PRKCZ: variants seen among roughly 807,000 people sequenced by gnomAD.
The protein encoded by PRKCZ is protein kinase C zeta type.
In PRKCZ, 33 loss-of-function variants were observed where a neutral mutation model predicts 79.5. The ratio of observed to expected loss-of-function variants is 0.41; its 90% CI spans 0.31 to 0.55. The LOEUF (loss-of-function observed/expected upper bound fraction) is 0.55. Ranked by LOEUF, PRKCZ falls within the 20% of genes least tolerant of loss-of-function variation. The probability of loss-of-function intolerance (pLI) is 0.19; values close to 1 mark genes in which losing one functional copy is unlikely to be tolerated. For missense variants in PRKCZ, 578 were observed against 813.5 expected (o/e 0.71, Z 3.52); for synonymous variants, 342 against 320.9 (o/e 1.07, Z -0.70).
intron 6 of PRKCZ, 57 bp from the exon 7 acceptor site, chr1:2,145,970 A>G (rs385039): frequency 0.27 from 394,644 of 1,461,188 alleles, 55,510 homozygotes; most frequent in Admixed American, 0.37. Context: ...CAGAAGCTAC[A>G]TTGTAACACC....
In PRKCZ at chr1:2,178,582, G is replaced by A. The variant is rs1291293176; in HGVS notation, c.1575+3269G>A. Among the ~76,000 whole-genome samples, 1 of 152,198 alleles carries A rather than the reference G, an allele frequency of 6.6e-6. No homozygotes were observed. The highest frequency in any genetic ancestry group is 6.5e-5 in the Admixed American group (1 of 15,278). ...ACACGTGTTTATTTCTCTTGGGCAC[G>A]TGCTCAGGGCGCAGTTGCAGGTCCG... On this transcript the variant is annotated intron_variant, in intron 16 of 17. Coordinates refer to ENST00000378567, the MANE Select transcript of PRKCZ (RefSeq NM_002744.6). This position sits in a 1 kb window ranked among gnomAD's most constrained non-coding sequence, Gnocchi z 4.3.
intron 4 of PRKCZ, among the ~76,000 whole-genome samples, chr1:2,065,610 C>G (rs576838102): frequency 1.4e-5 from 2 of 146,108 alleles, no homozygotes; most frequent in South Asian, 4.3e-4. Context: ...ACCCGGGAGG[C>G]AGAGCTTGCA....
At chr1:2,159,748 A>G (rs1681840152) in intron 10 of PRKCZ, among the ~76,000 whole-genome samples, 1 of 152,154 alleles carries the variant, frequency 6.6e-6, no homozygotes, top group Non-Finnish European at 1.5e-5. Context: ...AAGACACAAT[A>G]AGCACCTGCT....
chr1:2,061,710 AC>A (rs1481038318), intron 4 of PRKCZ, among the ~76,000 whole-genome samples: 1 of 152,042 alleles, frequency 6.6e-6, no homozygotes, highest in Non-Finnish European at 1.5e-5. Flanking sequence ...GTCCACCCGG[AC>A]GTGGGTTGGG....
chr1:2,081,146 TC>T (rs1446658442), intron 4 of PRKCZ, among the ~76,000 whole-genome samples: 1 of 152,252 alleles, frequency 6.6e-6, no homozygotes, highest in Non-Finnish European at 1.5e-5. Flanking sequence ...ATACGTGATG[TC>T]AAGTTTTGCA....
intron 4 of PRKCZ, among the ~76,000 whole-genome samples, chr1:2,063,420 C>T (rs972282794): frequency 2.0e-5 from 3 of 152,188 alleles, no homozygotes; most frequent in African/African-American, 7.2e-5. Context: ...TCAAGCGATT[C>T]TCCTGTCTCA....
At chr1:2,105,619 C>T in intron 4 of PRKCZ, among the ~76,000 whole-genome samples, 1 of 152,194 alleles carries the variant, frequency 6.6e-6, no homozygotes, top group East Asian at 1.9e-4. Flanking sequence ...AGGCCGGTCT[C>T]AAACTCCTGA....
At chr1:2,107,230 T>G in intron 4 of PRKCZ, among the ~76,000 whole-genome samples, 1 of 152,224 alleles carries the variant, frequency 6.6e-6, no homozygotes, top group South Asian at 2.1e-4. Context: ...GCCGGCTGCC[T>G]TCCGTGGCTG....
At chr1:2,060,166 A>C (rs929202938) in intron 4 of PRKCZ, among the ~76,000 whole-genome samples, 1 of 151,830 alleles carries the variant, frequency 6.6e-6, no homozygotes, top group African/African-American at 2.4e-5. Context: ...TTCCACCCCC[A>C]CTCTCCAGAC....
rs1684992183 is a variant in PRKCZ at position 2,174,124 on chromosome 1, T to C, written c.1405+108T>C. The C allele has an allele frequency of 1.5e-6, 2 of 1,360,316 alleles. No homozygotes were observed. The highest frequency in any genetic ancestry group is 5.6e-5 in the Admixed American group (2 of 35,578). The allele number at this position is 1,360,316 out of a possible 1,614,324, so 84.3% of individuals were successfully genotyped here. On this transcript the variant is annotated intron_variant, in intron 14 of 17. Transcript: ENST00000378567. This position sits in a 1 kb window ranked among gnomAD's most constrained non-coding sequence, Gnocchi z 6.2. ...GCGGGTGCCTGGAGCGGCAGTGCCA[T>C]GCAAAGCGTACCGGGAACCATTCCT...
At chr1:2,153,346 C>G (rs752297502) in intron 9 of PRKCZ, among the ~76,000 whole-genome samples, 1 of 152,246 alleles carries the variant, frequency 6.6e-6, no homozygotes, top group Non-Finnish European at 1.5e-5. Context: ...CTGTTGTCAC[C>G]AAGTGCTGCT....
intron 4 of PRKCZ, among the ~76,000 whole-genome samples, chr1:2,062,507 G>T (rs1409504179): frequency 1.4e-5 from 2 of 146,758 alleles, no homozygotes; most frequent in Admixed American, 6.8e-5. Context: ...TTTTGGCAGA[G>T]GGGGGACGGA....
At chr1:2,106,186 A>T (rs1204932115) in intron 4 of PRKCZ, among the ~76,000 whole-genome samples, 1 of 152,228 alleles carries the variant, frequency 6.6e-6, no homozygotes, top group East Asian at 1.9e-4. Context: ...CCAGGGAAGG[A>T]CAGGGCCGGA....
intron 4 of PRKCZ, among the ~76,000 whole-genome samples, chr1:2,114,999 A>G (rs1232078839): frequency 1.3e-5 from 2 of 152,274 alleles, no homozygotes; most frequent in Non-Finnish European, 2.9e-5. Flanking sequence ...ACCGCGTCAC[A>G]TAGCTGATCC....
chr1:2,069,971 G>C (rs1452837423), intron 4 of PRKCZ, among the ~76,000 whole-genome samples: 2 of 152,200 alleles, frequency 1.3e-5, no homozygotes, highest in Non-Finnish European at 2.9e-5. Flanking sequence ...CTGTGGAGGA[G>C]GTGCCGGGGG....
At chr1:2,181,237 A>G (rs882786) in intron 16 of PRKCZ, among the ~76,000 whole-genome samples, 83,061 of 151,870 alleles carry the variant, frequency 0.55, 24,078 homozygotes, top group East Asian at 0.93. Flanking sequence ...CACAAGGCAC[A>G]CACCCACTAT....
At chr1:2,155,924 C>A in intron 9 of PRKCZ, 71 bp from the exon 10 acceptor site, 1 of 1,346,792 alleles carries the variant, frequency 7.4e-7, no homozygotes. Context: ...CCTCCCTTGC[C>A]TCCCCCTTGC....
chr1:2,102,613 T>C (rs574941610), intron 4 of PRKCZ, among the ~76,000 whole-genome samples: 1 of 152,220 alleles, frequency 6.6e-6, no homozygotes, highest in South Asian at 2.1e-4. Flanking sequence ...ATTACAGGTG[T>C]GAGCCACCGT....
chr1:2,059,730 C>T, intron 4 of PRKCZ, 139 bp downstream of exon 4: 1 of 1,137,506 alleles, frequency 8.8e-7, no homozygotes, highest in East Asian at 2.6e-5. Flanking sequence ...GCCGTGGTGA[C>T]CGCAGGTGGG....
Sources: allele counts gnomAD v4.1 joint callset (sites outside exome capture counted in the v4.1 genomes callset), GRCh38; gene constraint gnomAD v4.1.1; non-coding constraint Gnocchi (gnomAD v3.1); transcripts MANE v1.5; gene names NCBI Gene and HGNC (gene_info 2026-07-23, HGNC 2026-07-21).